Variants in AMOTL1 observed in about 807,000 individuals in gnomAD.
AMOTL1 encodes the protein angiomotin like 1.
AMOTL1 carries 45 observed loss-of-function variants against 102.9 expected under a neutral mutation model. That is an observed-to-expected ratio of 0.44 (90% confidence interval 0.34 to 0.56). The LOEUF is 0.56. AMOTL1 is among the 20% of genes least tolerant of loss of function. The pLI, the probability that AMOTL1 is intolerant of heterozygous loss-of-function variation, is 0.01. For missense variants in AMOTL1, 1,114 were observed against 1,225.6 expected (o/e 0.91, Z 1.36); for synonymous variants, 481 against 484.7 (o/e 0.99, Z 0.10).
chr11:94,836,109 T>C (rs147901169), intron 6 of AMOTL1, among the ~76,000 whole-genome samples: 5 of 152,364 alleles, frequency 3.3e-5, no homozygotes, highest in African/African-American at 9.6e-5. Context: ...GGTTTTTTTA[T>C]TTCTATAAGG....
chr11:94,751,812 G>GCACA lies in AMOTL1; in HGVS notation c.136+10833_136+10836dup, dbSNP rs573824452. 2.2e-3 allele frequency among the ~76,000 whole-genome samples: 335 copies of GCACA among 149,412 alleles called. 3 individuals carry two copies. Among genetic ancestry groups the GCACA allele is most frequent in the African/African-American group, 8.0e-3 (326 of 40,514 alleles). On this transcript the variant is annotated intron_variant, in intron 3 of 4. Transcript: ENST00000299004. ...CACACACACACACACGTGCACACAC[G>GCACA]CACACACACACATAGGAAAATGGGA...
At chr11:94,789,750 T>C (rs1318284505) in intron 1 of AMOTL1, among the ~76,000 whole-genome samples, 1 of 152,184 alleles carries the variant, frequency 6.6e-6, no homozygotes, top group Non-Finnish European at 1.5e-5. Flanking sequence ...ACATTTAACT[T>C]TGAGGCTGCT....
At chr11:94,714,855 A>C (rs886618265) in intron 1 of AMOTL1, among the ~76,000 whole-genome samples, 12 of 151,874 alleles carry the variant, frequency 7.9e-5, no homozygotes, top group Admixed American at 7.9e-4. Context: ...TGCTTTTCCT[A>C]TTTCAGATTC....
chr11:94,750,200 C>G (rs1950635191), intron 3 of AMOTL1, among the ~76,000 whole-genome samples: 5 of 152,128 alleles, frequency 3.3e-5, no homozygotes, highest in African/African-American at 1.2e-4. Flanking sequence ...TCCAGGAATC[C>G]TTAGGTGGTG....
At chr11:94,783,482 C>T (rs755054091) in intron 1 of AMOTL1, among the ~76,000 whole-genome samples, 2 of 152,120 alleles carry the variant, frequency 1.3e-5, no homozygotes, top group Middle Eastern at 3.2e-3. Flanking sequence ...AAATTGTACA[C>T]GAAATATATG....
chr11:94,848,728 G>A (rs1050650004), intron 6 of AMOTL1, among the ~76,000 whole-genome samples: 1 of 152,088 alleles, frequency 6.6e-6, no homozygotes, highest in Non-Finnish European at 1.5e-5. Flanking sequence ...ATCCTTTCTG[G>A]CTCTAAAGTT....
chr11:94,773,464 G>T (rs1489705305), intron 1 of AMOTL1, among the ~76,000 whole-genome samples: 1 of 152,192 alleles, frequency 6.6e-6, no homozygotes, highest in Non-Finnish European at 1.5e-5. Context: ...GGACTATCAG[G>T]TGTAGTTCCC....
At chr11:94,739,306 C>G (rs1331253074) in intron 2 of AMOTL1, among the ~76,000 whole-genome samples, 8 of 152,054 alleles carry the variant, frequency 5.3e-5, no homozygotes, top group Non-Finnish European at 1.5e-5. Flanking sequence ...AACCCTCACC[C>G]AAACATATTT....
Position 94,832,675 on chromosome 11 carries a change from A to G in AMOTL1, c.1648+1134A>G, listed in dbSNP as rs1952097339. Among the ~76,000 whole-genome samples, 3 of 152,320 alleles carry G rather than the reference A, an allele frequency of 2.0e-5. No individual in the cohort carries two copies. The South Asian group carries it at 6.2e-4, about 32-fold the overall frequency. ...TTGCTTTTGTAACAAAATTTATCTT[A>G]TATCTCTTCCTGTGGGTGCAATAGA... On this transcript the variant is annotated intron_variant, in intron 6 of 12. Transcript: ENST00000433060.
intron 1 of AMOTL1, among the ~76,000 whole-genome samples, chr11:94,709,782 C>A (rs1316328030): frequency 6.6e-6 from 1 of 152,092 alleles, no homozygotes; most frequent in Admixed American, 6.6e-5. Flanking sequence ...TGTATATTAA[C>A]TAAGTTTGGG....
intron 1 of AMOTL1, among the ~76,000 whole-genome samples, chr11:94,775,748 C>T (rs1033452061): frequency 6.6e-6 from 1 of 152,158 alleles, no homozygotes; most frequent in Admixed American, 6.5e-5. Context: ...GATGGCAACA[C>T]CACTGGGCTT....
At chr11:94,860,670 A>G (rs1158736766) in intron 9 of AMOTL1, among the ~76,000 whole-genome samples, 8 of 152,198 alleles carry the variant, frequency 5.3e-5, no homozygotes, top group Non-Finnish European at 1.2e-4. Flanking sequence ...CATTTAACTT[A>G]AAGTTGTTTG....
rs754715100 is a variant in AMOTL1 at position 94,800,185 on chromosome 11, T to A, written c.995T>A (p.Leu332His). ...SPVSKTQEHG[L>H]FYGDQHPGML... is the part of the protein sequence containing the mutation. ...GTCAGCAAGACCCAGGAGCACGGAC[T>A]TTTTTATGGTGACCAGCACCCCGGG... Residue 332 changes from leucine (L) to histidine (H), a missense_variant, in exon 3 of 13, where the codon CTT (leucine) becomes CAT (histidine). Coordinates refer to ENST00000433060, the MANE Select transcript of AMOTL1 (RefSeq NM_130847.3). The A allele has an allele frequency of 1.4e-5, 23 of 1,613,948 alleles. No individual in the cohort carries two copies. The highest frequency in any genetic ancestry group is 1.8e-5 in the Non-Finnish European group (21 of 1,179,866).
chr11:94,764,727 A>C (rs781226563), upstream of AMOTL1, among the ~76,000 whole-genome samples: 13 of 152,242 alleles, frequency 8.5e-5, no homozygotes, highest in Non-Finnish European at 1.6e-4. Flanking sequence ...GGGTGCTGAG[A>C]AAAGTGAGAG....
intron 1 of AMOTL1, among the ~76,000 whole-genome samples, chr11:94,715,097 C>T (rs10831271): frequency 0.23 from 35,538 of 151,974 alleles, 5,162 homozygotes; most frequent in Middle Eastern, 0.32. Flanking sequence ...TCTGTAAAAA[C>T]GCCCTTTGAG....
chr11:94,793,448 T>A (rs1951318338), intron 1 of AMOTL1, among the ~76,000 whole-genome samples: 1 of 152,262 alleles, frequency 6.6e-6, no homozygotes, highest in Admixed American at 6.5e-5. Flanking sequence ...TCCTCAGAGC[T>A]TCTGATTGAA....
intron 8 of AMOTL1, among the ~76,000 whole-genome samples, chr11:94,855,195 A>T (rs1952636492): frequency 6.6e-6 from 1 of 152,208 alleles, no homozygotes; most frequent in Non-Finnish European, 1.5e-5. Context: ...AAAACACTTG[A>T]GCGCATGCAC....
At chr11:94,766,904 C>T (rs1950861472), upstream of AMOTL1, among the ~76,000 whole-genome samples, 3 of 152,302 alleles carry the variant, frequency 2.0e-5, no homozygotes, top group South Asian at 2.1e-4. Flanking sequence ...GTTTTCTCCT[C>T]GTTTCTGGTA....
In AMOTL1 at chr11:94,780,980, G is replaced by C. The variant is rs1416999659; in HGVS notation, c.49+12420G>C. Among the ~76,000 whole-genome samples, 3 of 151,918 alleles carry C rather than the reference G, an allele frequency of 2.0e-5. No homozygotes were observed. The East Asian group carries it at 5.8e-4, about 29-fold the overall frequency. The stretch of plus-strand genomic sequence containing the variant: ...ATCTTTCTAATAGTGTGGTCTTTTG[G>C]CTTGACAACATCATTCTCTTTCCCC... On this transcript the variant is annotated intron_variant, in intron 1 of 12. Coordinates refer to ENST00000433060, the MANE Select transcript of AMOTL1 (RefSeq NM_130847.3).
Sources: allele counts gnomAD v4.1 joint callset (sites outside exome capture counted in the v4.1 genomes callset), GRCh38; gene constraint gnomAD v4.1.1; transcripts MANE v1.5; gene names NCBI Gene and HGNC (gene_info 2026-07-23, HGNC 2026-07-21).